The following DNAH14 variants were observed in gnomAD, a reference collection of about 807,000 sequenced individuals.
DNAH14 encodes the protein axonemal beta dynein heavy chain 14.
Under a neutral mutation model 520.9 loss-of-function variants are expected in DNAH14, and 478 were observed. That is an observed-to-expected ratio of 0.92 (90% CI 0.85 to 0.99). The LOEUF (loss-of-function observed/expected upper bound fraction) is 0.99. Ranked by LOEUF, DNAH14 falls within the 50% of genes least tolerant of loss-of-function variation. DNAH14 has a pLI of 0.00. For missense variants in DNAH14, 4,831 were observed against 5,234.5 expected (o/e 0.92, Z 2.38); for synonymous variants, 1,581 against 1,757.2 (o/e 0.90, Z 2.51).
At chr1:225,313,652 A>C (rs2094413545) in intron 60 of DNAH14, among the ~76,000 whole-genome samples, 1 of 152,082 alleles carries the variant, frequency 6.6e-6, no homozygotes, top group African/African-American at 2.4e-5. Context: ...CTTTGTTCTC[A>C]TTGGTTTCAA....
At chr1:225,185,260 T>A in intron 36 of DNAH14, 31 bp from the exon 37 acceptor site, 2 of 1,533,776 alleles carry the variant, frequency 1.3e-6, no homozygotes, top group Non-Finnish European at 1.8e-6. Context: ...AAATCATTAA[T>A]GAATGAATAA....
intron 43 of DNAH14, chr1:225,250,837 G>A (rs1376031102): frequency 4.7e-6 from 2 of 423,288 alleles, no homozygotes; most frequent in East Asian, 3.6e-5. Context: ...TCTGGTACCT[G>A]GCTTTGGGGT....
In DNAH14 at chr1:225,270,023, G is replaced by A. The variant is rs190243054; in HGVS notation, c.7540-712G>A. 4.5e-3 allele frequency among the ~76,000 whole-genome samples: 685 copies of A among 152,224 alleles called. 7 individuals are homozygous for A. The highest frequency in any genetic ancestry group is 0.016 in the African/African-American group (652 of 41,536). ...TGCTGCTATAAAGACACATGCACAC[G>A]TATGTTTATTGCAGCACTATTCACA... On this transcript the variant is annotated intron_variant, in intron 49 of 85. Transcript: ENST00000682510.
At position 225,398,499 on chromosome 1, in the gene DNAH14, AC is replaced by A; in HGVS notation, c.13492-19del. ...GCTGCTTCTCCTGGGGATCCCTGAC[AC>A]CACCTCTCTTCCATCTTAGGGCTCA... On this transcript the variant is annotated intron_variant, in intron 84 of 85. Transcript: ENST00000682510. 6.4e-7 allele frequency: 1 copy of A among 1,550,504 alleles called. No homozygotes were observed. Among genetic ancestry groups the A allele is most frequent in the South Asian group, 1.2e-5 (1 of 83,978 alleles).
chr1:225,377,183 T>C, intron 78 of DNAH14, 54 bp from the exon 79 acceptor site: 1 of 1,331,652 alleles, frequency 7.5e-7, no homozygotes, highest in Non-Finnish European at 9.8e-7. Flanking sequence ...ACCAACAAAG[T>C]GTTCAGAAGT....
intron 27 of DNAH14, among the ~76,000 whole-genome samples, chr1:225,132,651 C>T (rs2078547116): frequency 6.6e-6 from 1 of 152,098 alleles, no homozygotes; most frequent in South Asian, 2.1e-4. Context: ...CATGTCTTTG[C>T]TATTGTGAAT....
At chr1:225,055,104 A>C (rs185807508) in intron 17 of DNAH14, among the ~76,000 whole-genome samples, 9 of 150,302 alleles carry the variant, frequency 6.0e-5, no homozygotes, top group South Asian at 2.1e-4. Flanking sequence ...AATTTCTTTG[A>C]TGATAATCTT....
At chr1:225,341,127 G>C (rs1209340311) in intron 69 of DNAH14, among the ~76,000 whole-genome samples, 3 of 151,050 alleles carry the variant, frequency 2.0e-5, no homozygotes, top group African/African-American at 7.3e-5. Context: ...ATTTTTTTTA[G>C]ACAGTCTTAC....
intron 46 of DNAH14, among the ~76,000 whole-genome samples, chr1:225,260,117 G>C (rs2092882524): frequency 6.6e-6 from 1 of 152,096 alleles, no homozygotes; most frequent in African/African-American, 2.4e-5. Flanking sequence ...TTAGGAGGCA[G>C]AGGCAGGTGG....
chr1:225,321,948 A>G (rs909928850), intron 61 of DNAH14, among the ~76,000 whole-genome samples: 2 of 152,156 alleles, frequency 1.3e-5, no homozygotes, highest in African/African-American at 2.4e-5. Context: ...TCACGAGAAT[A>G]GGGCTGACTC....
At chr1:225,240,505 A>G (rs2091906532) in intron 42 of DNAH14, 88 bp from the exon 43 acceptor site, 1 of 794,218 alleles carries the variant, frequency 1.3e-6, no homozygotes, top group Non-Finnish European at 1.9e-6. Context: ...TAATAATGAA[A>G]CTTTAACATT....
chr1:225,394,330 AGTGT>A (rs2095971853), intron 84 of DNAH14, among the ~76,000 whole-genome samples: 2 of 152,206 alleles, frequency 1.3e-5, no homozygotes, highest in Non-Finnish European at 2.9e-5. Context: ...ATCTTCTCCC[AGTGT>A]GTGACTTTCC....
intron 74 of DNAH14, among the ~76,000 whole-genome samples, chr1:225,359,068 A>G (rs546659565): frequency 6.6e-6 from 1 of 152,346 alleles, no homozygotes; most frequent in African/African-American, 2.4e-5. Flanking sequence ...TACAATGATG[A>G]TACAATATCA....
intron 8 of DNAH14, among the ~76,000 whole-genome samples, chr1:224,996,843 A>G (rs954014097): frequency 3.2e-4 from 49 of 152,132 alleles, no homozygotes. Flanking sequence ...CTGCTTATGC[A>G]GGGCCTTGGG....
At chr1:225,255,078 G>C (rs77887548) in intron 44 of DNAH14, among the ~76,000 whole-genome samples, 2 of 152,176 alleles carry the variant, frequency 1.3e-5, no homozygotes, top group Non-Finnish European at 2.9e-5. Context: ...TCCCAATATT[G>C]AGTACTGATG....
At chr1:225,016,957 C>G (rs2065264189) in intron 10 of DNAH14, among the ~76,000 whole-genome samples, 1 of 151,900 alleles carries the variant, frequency 6.6e-6, no homozygotes, top group Admixed American at 6.6e-5. Context: ...TTTTCCTGGT[C>G]TCATTGAATT....
Position 225,167,932 on chromosome 1 carries a change from C to A in DNAH14, c.5446-7C>A. 1 of 1,445,974 alleles carries A rather than the reference C, an allele frequency of 6.9e-7. No homozygotes were observed. The allele number at this position is 1,445,974 out of a possible 1,614,324, so 89.6% of individuals were successfully genotyped here. A position where few individuals can be genotyped will look rare whatever the true frequency, so the allele number is the denominator to read the frequency against. ...CATTTTAAATTTATGTATTTATTTC[C>A]TTTTAGAAAGTAATATATACTGCAA... On this transcript the variant is annotated splice_polypyrimidine_tract_variant and splice_region_variant and intron_variant, in intron 35 of 85. Coordinates refer to ENST00000682510, the MANE Select transcript of DNAH14 (RefSeq NM_001367479.1).
In DNAH14 at chr1:225,322,758, C is replaced by A; in HGVS notation, c.9430C>A (p.Leu3144Ile). Reference sequence around the variant, plus strand: ...ACCTAACTGGGCAACGGCAAAGTTACTTCTTTCAGAAACTGGTTTCCTGAA... The same window carrying A: ...ACCTAACTGGGCAACGGCAAAGTTAATTCTTTCAGAAACTGGTTTCCTGAA... ...KKPNWATAKL[L>I]LSETGFLKKL... Residue 3144 changes from leucine to isoleucine, a missense_variant, in exon 62 of 86, where the codon CTT (leucine) becomes ATT (isoleucine). Leu to Ile is a conservative substitution (Grantham distance 5, BLOSUM62 2). Coordinates refer to ENST00000682510, the MANE Select transcript of DNAH14 (RefSeq NM_001367479.1). 6.4e-7 allele frequency: 1 copy of A among 1,551,746 alleles called. No individual in the cohort carries two copies. The highest frequency in any genetic ancestry group is 1.2e-5 in the South Asian group (1 of 84,046).
chr1:225,249,047 G>A (rs1440715901), intron 43 of DNAH14, among the ~76,000 whole-genome samples: 2 of 152,154 alleles, frequency 1.3e-5, no homozygotes, highest in East Asian at 3.9e-4. Flanking sequence ...TTAATTTCCT[G>A]ACCTGTAAAA....
Sources: allele counts gnomAD v4.1 joint callset (sites outside exome capture counted in the v4.1 genomes callset), GRCh38; gene constraint gnomAD v4.1.1; transcripts MANE v1.5; gene names NCBI Gene and HGNC (gene_info 2026-07-23, HGNC 2026-07-21).